LIN9: variants seen among roughly 807,000 people sequenced by gnomAD.
LIN9 encodes protein lin-9 homolog.
A neutral mutation model predicts 78.0 loss-of-function variants in LIN9; 18 were observed. That is an observed-to-expected ratio of 0.23 (90% CI 0.16 to 0.34). LIN9 has a LOEUF of 0.34. LIN9 is among the 10% of genes least tolerant of loss of function. The pLI, the probability that LIN9 is intolerant of heterozygous loss-of-function variation, is 1.00. For missense variants in LIN9, 451 were observed against 644.1 expected, an observed-to-expected ratio of 0.70 and a Z score of 3.25; for synonymous variants, 192 against 215.2, an observed-to-expected ratio of 0.89 and a Z score of 0.94.
chr1:226,289,078 A>T (rs1207921494), intron 4 of LIN9, among the ~76,000 whole-genome samples: 1 of 152,138 alleles, frequency 6.6e-6, no homozygotes, highest in Non-Finnish European at 1.5e-5. Context: ...TCTACTAAAA[A>T]TACAAAAATT....
intron 6 of LIN9, among the ~76,000 whole-genome samples, chr1:226,278,968 A>C (rs1475245445): frequency 2.0e-5 from 3 of 151,440 alleles, no homozygotes; most frequent in Non-Finnish European, 4.4e-5. Context: ...AAAAAAAAAA[A>C]AAAAACCAAA....
chr1:226,279,581 G>C (rs1660905021), intron 6 of LIN9, among the ~76,000 whole-genome samples: 1 of 144,454 alleles, frequency 6.9e-6, no homozygotes, highest in Non-Finnish European at 1.5e-5. Flanking sequence ...TGGGCAACAT[G>C]GTGAAACCTC....
At chr1:226,276,294 C>T (rs1340242642) in intron 7 of LIN9, among the ~76,000 whole-genome samples, 2 of 152,184 alleles carry the variant, frequency 1.3e-5, no homozygotes, top group Non-Finnish European at 2.9e-5. Flanking sequence ...AGCATTAGTA[C>T]TTATACTAGA....
intron 7 of LIN9, among the ~76,000 whole-genome samples, chr1:226,275,492 G>A (rs1374644218): frequency 2.0e-5 from 3 of 150,870 alleles, no homozygotes; most frequent in African/African-American, 4.9e-5. Context: ...TCAGGAGTTC[G>A]AGACCAGCCT....
intron 7 of LIN9, among the ~76,000 whole-genome samples, chr1:226,272,047 TTAAC>T (rs200064657): frequency 0.021 from 3,239 of 150,760 alleles, 96 homozygotes; most frequent in African/African-American, 0.076. Flanking sequence ...TCTCATTATC[TTAAC>T]TTTTTTTTTT....
In LIN9 at chr1:226,232,593, T is replaced by C. The variant is rs1168761889; in HGVS notation, c.1537A>G (p.Asn513Asp). 13 of 1,602,428 alleles carry C rather than the reference T, an allele frequency of 8.1e-6. No individual in the cohort carries two copies. Among genetic ancestry groups the C allele is most frequent in the Non-Finnish European group, 1.1e-5 (13 of 1,173,500 alleles). The change falls in exon 15 of 15, where the codon AAT (asparagine) becomes GAT (aspartate). Residue 513 changes from asparagine to aspartate, a missense_variant. Coordinates refer to ENST00000681046, the MANE Select transcript of LIN9 (RefSeq NM_001366245.2). ...DASNISCFQN[N>D]VEIHVAHIQS... ...ATATGTGCAACATGGATTTCTACAT[T>C]ATTCTGAAAGCAACTAAAGAAAGAA...
chr1:226,297,585 C>T, intron 3 of LIN9, 134 bp downstream of exon 3: 1 of 467,178 alleles, frequency 2.1e-6, no homozygotes, highest in Non-Finnish European at 3.8e-6. Flanking sequence ...TAAGATCAAA[C>T]AGTGCTTAAT....
chr1:226,303,125 T>C (rs909749125), intron 1 of LIN9, among the ~76,000 whole-genome samples: 1 of 152,122 alleles, frequency 6.6e-6, no homozygotes, highest in Non-Finnish European at 1.5e-5. Context: ...GAAACACAAC[T>C]GTAAAGCAGC....
intron 6 of LIN9, among the ~76,000 whole-genome samples, chr1:226,284,505 C>T (rs555896127): frequency 1.7e-4 from 26 of 152,234 alleles, no homozygotes; most frequent in African/African-American, 4.8e-4. Context: ...GGGTGGATCA[C>T]CTGAGGTCAG....
chr1:226,272,021 CT>C (rs35313284), intron 7 of LIN9, among the ~76,000 whole-genome samples: 2 of 147,374 alleles, frequency 1.4e-5, no homozygotes, highest in African/African-American at 2.5e-5. Context: ...ATGAGTCTTA[CT>C]TTTTTTTAAT....
At chr1:226,284,294 C>T (rs2102964520) in intron 6 of LIN9, among the ~76,000 whole-genome samples, 1 of 152,276 alleles carries the variant, frequency 6.6e-6, no homozygotes, top group Non-Finnish European at 1.5e-5. Context: ...TACCACTCTG[C>T]TTTAATTATG....
intron 7 of LIN9, among the ~76,000 whole-genome samples, chr1:226,273,436 G>A (rs1021587777): frequency 4.0e-5 from 6 of 151,758 alleles, no homozygotes; most frequent in Non-Finnish European, 7.4e-5. Context: ...TGTAGAAACA[G>A]TGTTTCACCA....
chr1:226,278,516 C>T (rs1660811477), intron 6 of LIN9, among the ~76,000 whole-genome samples: 1 of 151,436 alleles, frequency 6.6e-6, no homozygotes, highest in South Asian at 2.1e-4. Context: ...ATACTGTATT[C>T]AAAAATAGGT....
At chr1:226,292,931 T>C (rs1178938436) in intron 4 of LIN9, among the ~76,000 whole-genome samples, 2 of 152,208 alleles carry the variant, frequency 1.3e-5, no homozygotes, top group African/African-American at 4.8e-5. Flanking sequence ...TGGGAAATAA[T>C]GTAACAGTAA....
intron 10 of LIN9, among the ~76,000 whole-genome samples, chr1:226,256,684 G>A (rs966618985): frequency 2.0e-5 from 3 of 150,244 alleles, no homozygotes; most frequent in South Asian, 4.2e-4. Flanking sequence ...TCAGCCTCCC[G>A]AGTAGCTGGG....
chr1:226,304,433 G>A (rs946501398), intron 1 of LIN9, among the ~76,000 whole-genome samples: 1 of 152,106 alleles, frequency 6.6e-6, no homozygotes, highest in Non-Finnish European at 1.5e-5. Flanking sequence ...CAAAGAACAA[G>A]ACAAACAAAG....
intron 4 of LIN9, among the ~76,000 whole-genome samples, chr1:226,294,333 C>T (rs1464524243): frequency 1.3e-5 from 2 of 150,698 alleles, no homozygotes; most frequent in Non-Finnish European, 2.9e-5. Flanking sequence ...GTAATCCCAG[C>T]ACTTTGGGAG....
chr1:226,293,243 T>C (rs185857383), intron 4 of LIN9, among the ~76,000 whole-genome samples: 201 of 152,334 alleles, frequency 1.3e-3, no homozygotes, highest in African/African-American at 4.5e-3. Context: ...TCTCATATCA[T>C]GTTTATCCTA....
At chr1:226,276,708 C>T (rs958862411) in intron 7 of LIN9, among the ~76,000 whole-genome samples, 2 of 152,088 alleles carry the variant, frequency 1.3e-5, no homozygotes, top group Non-Finnish European at 2.9e-5. Flanking sequence ...TACAATTACT[C>T]AGTACAATTA....
Sources: gnomAD v4.1 joint callset for allele counts (sites outside exome capture counted in the v4.1 genomes callset) on GRCh38, gnomAD v4.1.1 for gene constraint, MANE v1.5 for transcripts, NCBI Gene and HGNC (gene_info 2026-07-23, HGNC 2026-07-21) for gene names.